Variants in THUMPD2 observed in about 807,000 individuals in gnomAD.
THUMPD2 encodes THUMP domain 2 tRNA and snRNA guanosine methyltransferase.
In THUMPD2, 56 loss-of-function variants were observed where a neutral mutation model predicts 49.4. That is an observed-to-expected ratio of 1.13 (90% CI 0.91 to 1.41). THUMPD2 has a LOEUF of 1.41. Among genes scored for constraint, THUMPD2 ranks in the 40% most tolerant of loss-of-function variants. THUMPD2 has a pLI of 0.00. For missense variants in THUMPD2, 709 were observed against 594.5 expected (o/e 1.19, Z -2.00); for synonymous variants, 237 against 205.2 (o/e 1.15, Z -1.32).
intron 1 of THUMPD2, among the ~76,000 whole-genome samples, chr2:39,775,099 G>A (rs1678892336): frequency 6.6e-6 from 1 of 152,022 alleles, no homozygotes; most frequent in Non-Finnish European, 1.5e-5. Context: ...GGACAACATG[G>A]TGAGACCCTG....
chr2:39,774,998 G>A (rs902179609), intron 1 of THUMPD2, among the ~76,000 whole-genome samples: 2 of 152,082 alleles, frequency 1.3e-5, no homozygotes, highest in Non-Finnish European at 2.9e-5. Flanking sequence ...TTCAAATCTA[G>A]GCTGAATGTG....
At chr2:39,743,908 T>C (rs1674239589) in intron 9 of THUMPD2, among the ~76,000 whole-genome samples, 1 of 152,226 alleles carries the variant, frequency 6.6e-6, no homozygotes, top group Admixed American at 6.5e-5. Flanking sequence ...TTGCCCATTC[T>C]ATGTTATGGA....
chr2:39,779,000 C>T (rs374686617), intron 1 of THUMPD2, 114 bp downstream of exon 1: 2 of 1,287,756 alleles, frequency 1.6e-6, no homozygotes, highest in Non-Finnish European at 2.0e-6. Context: ...CGGCGACCGT[C>T]GCGTGGAACA....
At chr2:39,769,517 T>C (rs1343533368) in intron 3 of THUMPD2, 193 bp downstream of exon 3, 12 of 479,540 alleles carry the variant, frequency 2.5e-5, no homozygotes, top group Middle Eastern at 5.6e-4. Context: ...GCCTGACCAA[T>C]ATGGTGAAAC....
At chr2:39,737,705 G>A (rs1572718872) in intron 9 of THUMPD2, among the ~76,000 whole-genome samples, 1 of 152,272 alleles carries the variant, frequency 6.6e-6, no homozygotes, top group East Asian at 1.9e-4. Flanking sequence ...TCCCAAACCC[G>A]AGCATGGGAC....
chr2:39,773,266 C>T (rs963967783), intron 1 of THUMPD2, among the ~76,000 whole-genome samples: 17 of 151,960 alleles, frequency 1.1e-4, no homozygotes, highest in Non-Finnish European at 2.1e-4. Context: ...ATAGTTGATA[C>T]TAAAGCCATC....
chr2:39,745,420 A>G (rs1674445052), intron 8 of THUMPD2, among the ~76,000 whole-genome samples: 1 of 152,210 alleles, frequency 6.6e-6, no homozygotes, highest in Admixed American at 6.5e-5. Flanking sequence ...GAAGGATAAT[A>G]TTCTTTTAAG....
intron 8 of THUMPD2, among the ~76,000 whole-genome samples, chr2:39,749,799 A>G (rs537310014): frequency 7.2e-5 from 11 of 151,908 alleles, no homozygotes; most frequent in African/African-American, 2.2e-4. Context: ...TTGTCCCCCA[A>G]CCACGTGTTC....
intron 1 of THUMPD2, among the ~76,000 whole-genome samples, chr2:39,777,052 C>A (rs1337949986): frequency 6.6e-6 from 1 of 152,136 alleles, no homozygotes; most frequent in Non-Finnish European, 1.5e-5. Flanking sequence ...TTGATGCGAT[C>A]CAAAGTTTCT....
intron 5 of THUMPD2, among the ~76,000 whole-genome samples, chr2:39,765,548 T>C (rs1379595836): frequency 3.9e-5 from 6 of 152,070 alleles, no homozygotes; most frequent in Admixed American, 2.6e-4. Flanking sequence ...TAAAAAAATA[T>C]ACATTTTATA....
At position 39,736,142 on chromosome 2, in the gene THUMPD2, T is replaced by TG. The variant is rs1558476339; in HGVS notation, c.*592dup. The TG allele has an allele frequency of 1.3e-5, 2 of 152,212 alleles. No homozygotes were observed. Among genetic ancestry groups the TG allele is most frequent in the African/African-American group, 4.8e-5 (2 of 41,448 alleles). 9.4% of individuals were successfully genotyped at this position (152,212 alleles called of 1,614,324 possible). On this transcript the variant is annotated 3_prime_UTR_variant, in exon 10 of 10. Transcript: ENST00000505747. ...ACTTTCTATATAAATAAGGGCGAGGTGACAGTGTATGAATGCTTTTAGAAA... is the reference window on the plus strand; with the variant it reads ...ACTTTCTATATAAATAAGGGCGAGGTGGACAGTGTATGAATGCTTTTAGAAA...
At chr2:39,758,490 G>A (rs538977851) in intron 6 of THUMPD2, among the ~76,000 whole-genome samples, 1 of 152,262 alleles carries the variant, frequency 6.6e-6, no homozygotes, top group East Asian at 1.9e-4. Context: ...CTGTGGGTTG[G>A]GTAGTGATTA....
rs1370813639 is a variant in THUMPD2 at position 39,777,958 on chromosome 2, C to T, written c.126+1156G>A. Among the ~76,000 whole-genome samples, 5 of 152,252 alleles carry T rather than the reference C, an allele frequency of 3.3e-5. No homozygotes were observed. In the South Asian group the frequency reaches 1.0e-3, roughly 32 times the overall value. On this transcript the variant is annotated intron_variant, in intron 1 of 9. Transcript: ENST00000505747. ...GTTAGCATTTAAAAAAACAAGCCAG[C>T]GCACCCCTATGTCATGGTCATATAG...
chr2:39,755,228 A>G (rs920382350), intron 8 of THUMPD2, 67 bp downstream of exon 8: 4 of 1,104,778 alleles, frequency 3.6e-6, no homozygotes, highest in Non-Finnish European at 3.8e-6. Flanking sequence ...GACTTGTTTT[A>G]TATTATGATT....
intron 1 of THUMPD2, among the ~76,000 whole-genome samples, chr2:39,775,524 C>CT (rs1678956055): frequency 6.6e-6 from 1 of 152,030 alleles, no homozygotes; most frequent in Non-Finnish European, 1.5e-5. Context: ...AATCCCAGCA[C>CT]TTTGAGAGGC....
intron 9 of THUMPD2, among the ~76,000 whole-genome samples, chr2:39,739,956 TA>T (rs1166720089): frequency 6.6e-6 from 1 of 152,176 alleles, no homozygotes; most frequent in African/African-American, 2.4e-5. Context: ...TCTAGGAAAT[TA>T]TCCTAAGAAG....
intron 1 of THUMPD2, among the ~76,000 whole-genome samples, chr2:39,775,760 CAAAAAAAAAAAAA>C (rs774580208): frequency 3.2e-5 from 2 of 63,364 alleles, no homozygotes; most frequent in African/African-American, 6.3e-5. Context: ...AACACTATGT[CAAAAAAAAAAAAA>C]AAAAAAAAAA....
intron 9 of THUMPD2, among the ~76,000 whole-genome samples, chr2:39,743,627 G>A (rs893428638): frequency 3.3e-5 from 5 of 152,112 alleles, no homozygotes; most frequent in African/African-American, 1.2e-4. Flanking sequence ...GGGAAAGCTG[G>A]TTGTTAAAAA....
At chr2:39,768,841 A>G (rs978124742) in intron 3 of THUMPD2, 18 of 1,150,086 alleles carry the variant, frequency 1.6e-5, no homozygotes, top group East Asian at 1.0e-4. Context: ...AAGATTAACT[A>G]TGTCAGCTAC....
Sources: allele counts gnomAD v4.1 joint callset (sites outside exome capture counted in the v4.1 genomes callset), GRCh38; gene constraint gnomAD v4.1.1; transcripts MANE v1.5; gene names NCBI Gene and HGNC (gene_info 2026-07-23, HGNC 2026-07-21).